The following CIB4 variants were observed in gnomAD, a reference collection of about 807,000 sequenced individuals.
CIB4 encodes calcium and integrin-binding family member 4.
In CIB4, 25 loss-of-function variants were observed where a neutral mutation model predicts 25.8. The observed-to-expected ratio is 0.97, with a 90% CI of 0.71 to 1.35. The LOEUF (loss-of-function observed/expected upper bound fraction) is 1.35, where lower values mean the gene tolerates loss of function less well. CIB4 is among the 40% of genes most tolerant of loss of function. CIB4 has a pLI of 0.00. For missense variants in CIB4, 235 were observed against 228.2 expected (o/e 1.03, Z -0.19); for synonymous variants, 75 against 81.4 (o/e 0.92, Z 0.42).
At chr2:26,615,596 C>A (rs1299049755) in intron 3 of CIB4, among the ~76,000 whole-genome samples, 2 of 152,212 alleles carry the variant, frequency 1.3e-5, no homozygotes, top group African/African-American at 4.8e-5. Context: ...TCTTCCCCAA[C>A]TTCCCAGGCT....
At chr2:26,631,790 G>C (rs1669424484) in intron 2 of CIB4, among the ~76,000 whole-genome samples, 1 of 152,136 alleles carries the variant, frequency 6.6e-6, no homozygotes, top group African/African-American at 2.4e-5. Context: ...AGGAGGACTG[G>C]AGGTATGAGG....
At chr2:26,601,668 G>A (rs1668791544) in intron 3 of CIB4, among the ~76,000 whole-genome samples, 1 of 151,756 alleles carries the variant, frequency 6.6e-6, no homozygotes, top group South Asian at 2.1e-4. Context: ...ATAAATTGGA[G>A]TATATTAAAA....
intron 2 of CIB4, among the ~76,000 whole-genome samples, chr2:26,633,779 C>G (rs1441193704): frequency 6.6e-6 from 1 of 152,214 alleles, no homozygotes; most frequent in African/African-American, 2.4e-5. Flanking sequence ...TTCCACACAG[C>G]CCAGAGAGGC....
intron 3 of CIB4, among the ~76,000 whole-genome samples, chr2:26,601,230 AAATATATATAT>A (rs1309692785): frequency 0.043 from 2,038 of 47,408 alleles, 166 homozygotes; most frequent in South Asian, 0.12. Flanking sequence ...AAAAAAAAAA[AAATATATATAT>A]ATATATATAT....
intron 3 of CIB4, among the ~76,000 whole-genome samples, chr2:26,609,218 G>A (rs1459276890): frequency 1.3e-5 from 2 of 152,202 alleles, no homozygotes; most frequent in African/African-American, 4.8e-5. Context: ...GGTCTGAACA[G>A]GCCTGGGTGG....
At chr2:26,607,158 C>A (rs371623362) in intron 3 of CIB4, among the ~76,000 whole-genome samples, 1 of 152,096 alleles carries the variant, frequency 6.6e-6, no homozygotes, top group Non-Finnish European at 1.5e-5. Context: ...CCTGGTCTTG[C>A]GTTGTGGGAG....
At chr2:26,640,463 G>T in intron 2 of CIB4, 70 bp downstream of exon 2, 1 of 1,519,602 alleles carries the variant, frequency 6.6e-7, no homozygotes, top group Non-Finnish European at 9.1e-7. Context: ...GCGTGAGGCT[G>T]TATTAGGGCA....
chr2:26,615,825 T>C (rs1669081839), intron 3 of CIB4, among the ~76,000 whole-genome samples: 1 of 152,240 alleles, frequency 6.6e-6, no homozygotes, highest in African/African-American at 2.4e-5. Flanking sequence ...ACAAACCACT[T>C]CTTAATTCTT....
At chr2:26,606,285 A>G (rs1668888314) in intron 3 of CIB4, among the ~76,000 whole-genome samples, 2 of 152,212 alleles carry the variant, frequency 1.3e-5, no homozygotes, top group African/African-American at 4.8e-5. Context: ...ATCTCAATCA[A>G]GCGCACGCAA....
chr2:26,598,768 C>G (rs1285418069), intron 3 of CIB4, among the ~76,000 whole-genome samples: 1 of 152,178 alleles, frequency 6.6e-6, no homozygotes, highest in Non-Finnish European at 1.5e-5. Flanking sequence ...GTTATGAGCC[C>G]CCCTGAGACA....
At chr2:26,640,691 C>A in intron 1 of CIB4, 124 bp from the exon 2 acceptor site, 1 of 1,045,368 alleles carries the variant, frequency 9.6e-7, no homozygotes. Context: ...GCTGGGGGAA[C>A]CCCAGGTTGA....
In CIB4 at chr2:26,606,125, C is replaced by T. The variant is rs186321079; in HGVS notation, c.187-10808G>A. On this transcript the variant is annotated intron_variant, in intron 3 of 6. Transcript: ENST00000288861. ...CATCGTCTGAACTTCAAGTCCTTGC[C>T]GCAAATGCATCAGGGTGAGGTACTG... Among the ~76,000 whole-genome samples the T allele has an allele frequency of 1.3e-3, 191 of 152,298 alleles. 1 individual carries two copies. Among genetic ancestry groups the T allele is most frequent in the African/African-American group, 4.4e-3 (184 of 41,564 alleles).
chr2:26,583,741 G>C (rs762027788), intron 5 of CIB4, 48 bp downstream of exon 5: 2 of 1,266,448 alleles, frequency 1.6e-6, no homozygotes, highest in South Asian at 2.4e-5. Context: ...TGACAACCTG[G>C]CCCCTATCCC....
Position 26,581,221 on chromosome 2 carries a change from C to T in CIB4, c.*142G>A. 1.5e-6 allele frequency: 1 copy of T among 680,564 alleles called. No homozygotes were observed. Among genetic ancestry groups the T allele is most frequent in the Admixed American group, 2.7e-5 (1 of 37,212 alleles). 42.2% of individuals were successfully genotyped at this position (680,564 alleles called of 1,614,324 possible). A position where few individuals can be genotyped will look rare whatever the true frequency, so the allele number is the denominator to read the frequency against. Reference sequence around the variant, plus strand: ...CTGATGGGCTAAGGAAAAGCTTTTTCTTTTATCTAATAAACAATATTCTAG... The same window carrying T: ...CTGATGGGCTAAGGAAAAGCTTTTTTTTTTATCTAATAAACAATATTCTAG... On this transcript the variant is annotated 3_prime_UTR_variant, in exon 7 of 7. Transcript: ENST00000288861.
At position 26,635,628 on chromosome 2, in the gene CIB4, G is replaced by GT. The variant is rs1191203321; in HGVS notation, c.89+4904dup. Among the ~76,000 whole-genome samples the GT allele has an allele frequency of 2.0e-5, 3 of 152,126 alleles. No individual in the cohort carries two copies. In the East Asian group the frequency reaches 5.8e-4, roughly 29 times the overall value. On this transcript the variant is annotated intron_variant, in intron 2 of 6. Transcript: ENST00000288861. The stretch of plus-strand genomic sequence containing the variant: ...GTAGCCCAGGATGGCCACTTTCTCC[G>GT]TGAGTATCACATGCCTTCTGCTCCC...
chr2:26,582,883 T>C lies in CIB4; in HGVS notation c.469A>G (p.Asn157Asp). Residue 157 changes from asparagine to aspartate, a missense_variant, in exon 6 of 7, where the codon AAC (asparagine) becomes GAC (aspartate). Coordinates refer to ENST00000288861, the MANE Select transcript of CIB4 (RefSeq NM_001029881.3). ...TCAAACTCTGAGAAGGACAGCATGT[T>C]GTCATTGTCCAGATCCGACTCACTC... Reference protein sequence around the residue: ...VLSESDLDNDNMLSFSEFEHA... With the variant: ...VLSESDLDNDDMLSFSEFEHA... The C allele has an allele frequency of 6.2e-7, 1 of 1,613,772 alleles. No homozygotes were observed. The highest frequency in any genetic ancestry group is 8.5e-7 in the Non-Finnish European group (1 of 1,179,746).
At position 26,583,870 on chromosome 2, in the gene CIB4, C is replaced by G; in HGVS notation, c.357G>C (p.Glu119Asp). Residue 119 changes from glutamate to aspartate, a missense_variant, in exon 5 of 7, where the codon GAG becomes GAC. By Grantham distance (45) the Glu-to-Asp change is conservative. Coordinates refer to ENST00000288861, the MANE Select transcript of CIB4 (RefSeq NM_001029881.3). ...GCAGGATGATCCTCTGCAGATCCTC[C>G]TCATCAATGAAGCCATTCTCATTAA... Reference protein sequence around the residue: ...YDFNENGFIDEEDLQRIILRL... With the variant: ...YDFNENGFIDDEDLQRIILRL... 1 of 1,612,834 alleles carries G rather than the reference C, an allele frequency of 6.2e-7. No homozygotes were observed. Among genetic ancestry groups the G allele is most frequent in the Non-Finnish European group, 8.5e-7 (1 of 1,178,976 alleles).
intron 3 of CIB4, among the ~76,000 whole-genome samples, chr2:26,601,747 G>T (rs1428341336): frequency 6.6e-6 from 1 of 151,802 alleles, no homozygotes; most frequent in Non-Finnish European, 1.5e-5. Flanking sequence ...TAATCACTAG[G>T]TACTTCCACA....
At chr2:26,601,229 A>ATATAT (rs1338707870) in intron 3 of CIB4, among the ~76,000 whole-genome samples, 2 of 25,376 alleles carry the variant, frequency 7.9e-5, no homozygotes, top group African/African-American at 1.8e-4. Context: ...AAAAAAAAAA[A>ATATAT]AAATATATAT....
Sources: allele counts gnomAD v4.1 joint callset (sites outside exome capture counted in the v4.1 genomes callset), GRCh38; gene constraint gnomAD v4.1.1; transcripts MANE v1.5; gene names NCBI Gene and HGNC (gene_info 2026-07-23, HGNC 2026-07-21).